PIK3C2G: variants seen among roughly 807,000 people sequenced by gnomAD.
PIK3C2G encodes phosphatidylinositol-4-phosphate 3-kinase catalytic subunit type 2 gamma, also known as phosphatidylinositol 3-kinase C2 domain-containing subunit gamma.
PIK3C2G carries 168 observed loss-of-function variants against 181.1 expected under a neutral mutation model. That is an observed-to-expected ratio of 0.93 (90% CI 0.82 to 1.05). The LOEUF is 1.05. Ranked by LOEUF, PIK3C2G falls within the 50% of genes least tolerant of loss-of-function variation. The pLI, the probability that PIK3C2G is intolerant of heterozygous loss-of-function variation, is 0.00. For missense variants in PIK3C2G, 1,869 were observed against 1,732.8 expected, an observed-to-expected ratio of 1.08 and a Z score of -1.40; for synonymous variants, 573 against 592.2, an observed-to-expected ratio of 0.97 and a Z score of 0.47.
intron 24 of PIK3C2G, among the ~76,000 whole-genome samples, chr12:18,525,417 A>T (rs1034027571): frequency 2.0e-5 from 3 of 152,104 alleles, no homozygotes; most frequent in Admixed American, 6.6e-5. Flanking sequence ...TGTATATCGA[A>T]GTTCATAAAT....
chr12:18,253,504 C>T (rs139442150), intron 1 of PIK3C2G, among the ~76,000 whole-genome samples: 42 of 152,082 alleles, frequency 2.8e-4, no homozygotes, highest in Non-Finnish European at 5.1e-4. Context: ...TATTATCATA[C>T]GAGTCAGAAA....
intron 20 of PIK3C2G, 77 bp downstream of exon 20, chr12:18,491,635 G>C: frequency 1.3e-6 from 1 of 778,684 alleles, no homozygotes; most frequent in South Asian, 1.9e-5. Context: ...GTTTGAAATG[G>C]CAAAAAGAAT....
intron 1 of PIK3C2G, among the ~76,000 whole-genome samples, chr12:18,270,903 C>T (rs1948719641): frequency 6.6e-6 from 1 of 152,132 alleles, no homozygotes; most frequent in Non-Finnish European, 1.5e-5. Context: ...AGAAGAGTGA[C>T]AGTATCTCAA....
chr12:18,273,113 ATT>A (rs1948816070), intron 1 of PIK3C2G, among the ~76,000 whole-genome samples: 1 of 152,120 alleles, frequency 6.6e-6, no homozygotes, highest in African/African-American at 2.4e-5. Context: ...AAAATCCAGC[ATT>A]ACACACAAAA....
At chr12:18,577,791 A>G (rs1338428311) in intron 29 of PIK3C2G, among the ~76,000 whole-genome samples, 2 of 152,180 alleles carry the variant, frequency 1.3e-5, no homozygotes, top group African/African-American at 2.4e-5. Context: ...CCTGAGATGT[A>G]CAATCTACAT....
At chr12:18,618,981 G>C (rs184626049) in intron 31 of PIK3C2G, among the ~76,000 whole-genome samples, 37 of 151,996 alleles carry the variant, frequency 2.4e-4, no homozygotes, top group African/African-American at 8.7e-4. Flanking sequence ...TCTTACATTT[G>C]TGCCTTTGGA....
the PIK3C2G span, among the ~76,000 whole-genome samples, chr12:18,708,719 G>A: frequency 6.6e-6 from 1 of 152,062 alleles, no homozygotes; most frequent in Admixed American, 6.6e-5. Context: ...AGACTGTGAG[G>A]TGGTATCTCA....
At chr12:18,373,252 G>A (rs995071307) in intron 13 of PIK3C2G, among the ~76,000 whole-genome samples, 2 of 152,024 alleles carry the variant, frequency 1.3e-5, no homozygotes, top group Non-Finnish European at 1.5e-5. Context: ...ATTTCCTTTC[G>A]GGGGTAATCC....
the PIK3C2G span, among the ~76,000 whole-genome samples, chr12:18,723,719 A>C: frequency 6.6e-6 from 1 of 152,148 alleles, no homozygotes; most frequent in East Asian, 1.9e-4. Context: ...AAATTGGAAA[A>C]GGGTTAGTTA....
At chr12:18,405,334 G>A (rs2135588753) in intron 16 of PIK3C2G, among the ~76,000 whole-genome samples, 1 of 152,262 alleles carries the variant, frequency 6.6e-6, no homozygotes, top group African/African-American at 2.4e-5. Flanking sequence ...AGTACTGTGT[G>A]TAGCTATAGA....
rs567512242 is a variant in PIK3C2G, at chr12:18,375,081, T to A, written c.1880+3770T>A. 6.6e-5 allele frequency among the ~76,000 whole-genome samples: 10 copies of A among 152,306 alleles called. No homozygotes were observed. In the South Asian group the frequency reaches 1.9e-3, roughly 28 times the overall value. ...CGGTACCAGGAGTAGGGTATTGCTATGAAGATATCTGTGGATGTGGCATTA... is the reference window on the plus strand; with the variant it reads ...CGGTACCAGGAGTAGGGTATTGCTAAGAAGATATCTGTGGATGTGGCATTA... On this transcript the variant is annotated intron_variant, in intron 13 of 32. Coordinates refer to ENST00000538779, the MANE Select transcript of PIK3C2G (RefSeq NM_001288772.2).
chr12:18,680,901 T>C, the PIK3C2G span, among the ~76,000 whole-genome samples: 4 of 152,034 alleles, frequency 2.6e-5, no homozygotes, highest in Non-Finnish European at 5.9e-5. Context: ...GTAAATCTTA[T>C]CTATATGATG....
intron 3 of PIK3C2G, among the ~76,000 whole-genome samples, chr12:18,287,803 G>A (rs1214858144): frequency 6.6e-6 from 1 of 151,706 alleles, no homozygotes; most frequent in Non-Finnish European, 1.5e-5. Flanking sequence ...TGCAGAGCTT[G>A]CAGTGAGCTG....
At chr12:18,424,148 T>C (rs1455471559) in intron 18 of PIK3C2G, 109 bp downstream of exon 18, 1 of 639,634 alleles carries the variant, frequency 1.6e-6, no homozygotes, top group Non-Finnish European at 2.8e-6. Context: ...ATACAGACCA[T>C]AAAATTCAGG....
the PIK3C2G span, among the ~76,000 whole-genome samples, chr12:18,659,645 A>G: frequency 6.7e-6 from 1 of 148,348 alleles, no homozygotes; most frequent in Non-Finnish European, 1.5e-5. Flanking sequence ...CTCCTTTACT[A>G]TGGAATAGTT....
At position 18,474,701 on chromosome 12, in the gene PIK3C2G, A is replaced by G. The variant is rs140434616; in HGVS notation, c.2505-13748A>G. ...TTAAGCATTATTGAGTTTGTCCAAC[A>G]TAAAATACTAACATAGAGGAAAATA... On this transcript the variant is annotated intron_variant, in intron 18 of 32. Coordinates refer to ENST00000538779, the MANE Select transcript of PIK3C2G (RefSeq NM_001288772.2). Among the ~76,000 whole-genome samples, 988 of 152,270 alleles carry G rather than the reference A, an allele frequency of 6.5e-3. 10 individuals carry two copies. Among genetic ancestry groups the G allele is most frequent in the African/African-American group, 0.023 (953 of 41,566 alleles).
At chr12:18,473,046 A>G (rs1938602623) in intron 18 of PIK3C2G, among the ~76,000 whole-genome samples, 1 of 152,100 alleles carries the variant, frequency 6.6e-6, no homozygotes. Flanking sequence ...CACAAGGTTC[A>G]TTAGAGCTCT....
At chr12:18,533,486 T>A (rs1943666723) in intron 24 of PIK3C2G, among the ~76,000 whole-genome samples, 1 of 152,158 alleles carries the variant, frequency 6.6e-6, no homozygotes, top group Admixed American at 6.6e-5. Flanking sequence ...AACTCTAATC[T>A]AAGCTACTAT....
intron 5 of PIK3C2G, among the ~76,000 whole-genome samples, chr12:18,306,689 G>A (rs1043138935): frequency 6.6e-6 from 1 of 151,938 alleles, no homozygotes; most frequent in Non-Finnish European, 1.5e-5. Flanking sequence ...AAAATACTCT[G>A]AACAGTACTA....
Sources: allele counts gnomAD v4.1 joint callset (sites outside exome capture counted in the v4.1 genomes callset), GRCh38; gene constraint gnomAD v4.1.1; transcripts MANE v1.5; gene names NCBI Gene and HGNC (gene_info 2026-07-23, HGNC 2026-07-21).